The following SLC66A2 variants were observed in gnomAD, a reference collection of about 807,000 sequenced individuals.
SLC66A2 encodes the protein solute carrier family 66 member 2.
In SLC66A2, 23 loss-of-function variants were observed where a neutral mutation model predicts 25.5. That is an observed-to-expected ratio of 0.90 (90% CI 0.65 to 1.28). The LOEUF (loss-of-function observed/expected upper bound fraction) is 1.28, where lower values mean the gene tolerates loss of function less well. Ranked by LOEUF, SLC66A2 falls within the 50% of genes most tolerant of loss-of-function variation. SLC66A2 has a pLI of 0.00. For missense variants in SLC66A2, 396 were observed against 373.1 expected (o/e 1.06, Z -0.51); for synonymous variants, 193 against 166.5 (o/e 1.16, Z -1.23).
intron 4 of SLC66A2, among the ~76,000 whole-genome samples, chr18:79,921,297 A>G (rs202131285): frequency 5.0e-4 from 1 of 2,002 alleles, no homozygotes; most frequent in Non-Finnish European, 7.4e-4. Flanking sequence ...AGGGTCAGTG[A>G]GGAGAGACAG....
intron 3 of SLC66A2, among the ~76,000 whole-genome samples, chr18:79,939,217 C>T (rs1987412885): frequency 6.6e-6 from 1 of 152,194 alleles, no homozygotes; most frequent in South Asian, 2.1e-4. Context: ...GTCTGACCAT[C>T]CATGAGCACA....
chr18:79,921,954 T>G (rs1409456665), intron 4 of SLC66A2, among the ~76,000 whole-genome samples: 2 of 139,386 alleles, frequency 1.4e-5, no homozygotes, highest in African/African-American at 2.7e-5. Flanking sequence ...CAGCCGAGGG[T>G]CAGAGGAGGA....
At chr18:79,938,198 T>C (rs1006242171) in intron 3 of SLC66A2, among the ~76,000 whole-genome samples, 2 of 151,110 alleles carry the variant, frequency 1.3e-5, no homozygotes, top group Non-Finnish European at 2.9e-5. Flanking sequence ...GAAGGAGACC[T>C]GAATGCAACT....
intron 5 of SLC66A2, chr18:79,915,897 A>C (rs1983935993): frequency 6.6e-6 from 1 of 152,654 alleles, no homozygotes; most frequent in South Asian, 1.9e-4. Context: ...CACCCCCAAT[A>C]CTATTTTACA....
Position 79,950,865 on chromosome 18 carries a change from G to A in SLC66A2, c.62C>T (p.Ala21Val). ...VPLHQLVSWGAAAAMVFGGVV... is the reference protein window; with the variant it reads ...VPLHQLVSWGVAAAMVFGGVV... ...CCCTCCGAAGACCATGGCCGCGGCC[G>A]CGCCCCAGGACACCAGCTGGTGCAG... is the stretch of plus-strand genomic sequence containing the variant. The change falls in exon 2 of 6, where the codon GCG becomes GTG. Residue 21 changes from alanine (A) to valine (V), a missense_variant. By Grantham distance (64) the Ala-to-Val change is moderately conservative. Transcript: ENST00000397778. 6.2e-7 allele frequency: 1 copy of A among 1,608,128 alleles called. No homozygotes were observed. The highest frequency in any genetic ancestry group is 8.5e-7 in the Non-Finnish European group (1 of 1,178,090).
chr18:79,949,152 A>G (rs2051031516), intron 2 of SLC66A2, among the ~76,000 whole-genome samples: 2 of 152,036 alleles, frequency 1.3e-5, no homozygotes, highest in South Asian at 4.1e-4. Context: ...GAGGCAGCCA[A>G]CCCACTCGCT....
Position 79,933,935 on chromosome 18 carries a change from C to T in SLC66A2, c.391+34G>A, listed in dbSNP as rs374280072. 9.4e-6 allele frequency: 15 copies of T among 1,588,646 alleles called. No homozygotes were observed. In the African/African-American group the frequency reaches 1.2e-4, roughly 13 times the overall value. ...AGCTGCAGGAATGAAGCAAAAGGAA[C>T]GTGCTGCGGACAGTGCACGCGCAGG... On this transcript the variant is annotated intron_variant, in intron 4 of 5. Coordinates refer to ENST00000397778, the MANE Select transcript of SLC66A2 (RefSeq NM_025078.5).
At chr18:79,944,305 C>G (rs1987978327) in intron 2 of SLC66A2, 1 of 152,430 alleles carries the variant, frequency 6.6e-6, no homozygotes, top group African/African-American at 2.4e-5. Flanking sequence ...GCAGGTGGGC[C>G]AGATGCGAAA....
rs995398695 is a variant in SLC66A2, at chr18:79,937,829, G to C, written c.338-3807C>G. On this transcript the variant is annotated intron_variant, in intron 3 of 5. Coordinates refer to ENST00000397778, the MANE Select transcript of SLC66A2 (RefSeq NM_025078.5). This position sits in a 1 kb window ranked among gnomAD's most constrained non-coding sequence, Gnocchi z 5.4. Reference sequence around the variant, plus strand: ...ACATAAAGACACGAGGAAACACCAGGAGTGCCATCTCCACTGCAGGGCTTC... The same window carrying C: ...ACATAAAGACACGAGGAAACACCAGCAGTGCCATCTCCACTGCAGGGCTTC... 4.6e-5 allele frequency among the ~76,000 whole-genome samples: 7 copies of C among 152,136 alleles called. No individual in the cohort carries two copies. Among genetic ancestry groups the C allele is most frequent in the Admixed American group, 1.3e-4 (2 of 15,278 alleles).
intron 5 of SLC66A2, among the ~76,000 whole-genome samples, chr18:79,909,689 T>A (rs112956586): frequency 0.012 from 669 of 57,054 alleles, 2 homozygotes; most frequent in Non-Finnish European, 0.017. Flanking sequence ...CACAACAGAG[T>A]CCCCAACCTT....
intron 4 of SLC66A2, among the ~76,000 whole-genome samples, chr18:79,921,836 GAGA>G: frequency 1.2e-4 from 1 of 8,632 alleles, no homozygotes; most frequent in African/African-American, 1.3e-4. Flanking sequence ...GTCAGAGGAG[GAGA>G]GACAGGAACC....
rs781411148 is a variant in SLC66A2 at position 79,934,554 on chromosome 18, C to T, written c.338-532G>A. ...CTTGACAAGCACCTCTGCACAGACA[C>T]AGACACAGGGACAATGTGACAGGGA... is the stretch of plus-strand genomic sequence containing the variant. On this transcript the variant is annotated intron_variant, in intron 3 of 5. Coordinates refer to ENST00000397778, the MANE Select transcript of SLC66A2 (RefSeq NM_025078.5). 6.0e-4 allele frequency among the ~76,000 whole-genome samples: 92 copies of T among 152,234 alleles called. 1 individual carries two copies. Among genetic ancestry groups the T allele is most frequent in the Admixed American group, 7.8e-4 (12 of 15,288 alleles).
chr18:79,922,886 G>A (rs565644414), intron 4 of SLC66A2, among the ~76,000 whole-genome samples: 2 of 147,492 alleles, frequency 1.4e-5, no homozygotes, highest in Admixed American at 6.7e-5. Context: ...AGAGGGCAGA[G>A]AGGCCAGGGG....
At chr18:79,914,228 T>C (rs1287774698) in intron 5 of SLC66A2, among the ~76,000 whole-genome samples, 24 of 152,244 alleles carry the variant, frequency 1.6e-4, no homozygotes, top group Admixed American at 1.6e-3. Context: ...TTTGGGTATC[T>C]GTTAAGTACG....
chr18:79,916,214 G>A (rs573261352), intron 5 of SLC66A2, among the ~76,000 whole-genome samples: 2 of 116,250 alleles, frequency 1.7e-5, no homozygotes, highest in Admixed American at 8.9e-5. Flanking sequence ...TACCCGCGGC[G>A]CTCTTGTACC....
At chr18:79,909,684 C>T (rs1599489656) in intron 5 of SLC66A2, among the ~76,000 whole-genome samples, 10 of 125,326 alleles carry the variant, frequency 8.0e-5, no homozygotes, top group Non-Finnish European at 1.2e-4. Flanking sequence ...CATCTCACAA[C>T]AGAGTCCCCA....
Position 79,918,072 on chromosome 18 carries a change from A to G in SLC66A2, c.608+1112T>C, listed in dbSNP as rs1984443984. Among the ~76,000 whole-genome samples, 2 of 151,636 alleles carry G rather than the reference A, an allele frequency of 1.3e-5. No individual in the cohort carries two copies. Among genetic ancestry groups the G allele is most frequent in the South Asian group, 4.2e-4 (2 of 4,786 alleles). On this transcript the variant is annotated intron_variant, in intron 5 of 5. Transcript: ENST00000397778. The surrounding 1 kb of genome is among the most constrained non-coding windows in gnomAD (Gnocchi z 4.0). Reference sequence around the variant, plus strand: ...ATCTCACCCCCTACCACCACCCCACACCTACGACAAGCCCTCCTACCTTTA... The same window carrying G: ...ATCTCACCCCCTACCACCACCCCACGCCTACGACAAGCCCTCCTACCTTTA...
rs143769205 is a variant in SLC66A2 at position 79,917,133 on chromosome 18, G to A, written c.608+2051C>T. Among the ~76,000 whole-genome samples the A allele has an allele frequency of 3.3e-5, 5 of 152,376 alleles. No individual in the cohort carries two copies. Among genetic ancestry groups the A allele is most frequent in the Admixed American group, 6.5e-5 (1 of 15,312 alleles). ...CACAGGCGTTTCTGGAGCCTTCCCC[G>A]TGTGTGAGAAGAGCAGACCTCAGGG... On this transcript the variant is annotated intron_variant, in intron 5 of 5. Transcript: ENST00000397778. The surrounding 1 kb of genome is among the most constrained non-coding windows in gnomAD (Gnocchi z 6.0).
In SLC66A2 at chr18:79,950,880, AGCTGGT is replaced by A; in HGVS notation, c.41_46del (p.His14_Gln15del). 3.7e-6 allele frequency: 6 copies of A among 1,603,356 alleles called. No homozygotes were observed. Among genetic ancestry groups the A allele is most frequent in the Non-Finnish European group, 5.1e-6 (6 of 1,176,056 alleles). The stretch of plus-strand genomic sequence containing the variant: ...GGCCGCGGCCGCGCCCCAGGACACC[AGCTGGT>A]GCAGTGGCACCAGGAGCCAGTCCAG... On this transcript the variant is annotated inframe_deletion, in exon 2 of 6. Transcript: ENST00000397778.
Sources: allele counts gnomAD v4.1 joint callset (sites outside exome capture counted in the v4.1 genomes callset), GRCh38; gene constraint gnomAD v4.1.1; non-coding constraint Gnocchi (gnomAD v3.1); transcripts MANE v1.5; gene names NCBI Gene and HGNC (gene_info 2026-07-23, HGNC 2026-07-21).